ITGA9: variants seen among roughly 807,000 people sequenced by gnomAD.
ITGA9 encodes integrin alpha-9.
In ITGA9, 56 loss-of-function variants were observed where a neutral mutation model predicts 127.8. That is an observed-to-expected ratio of 0.44 (90% CI 0.35 to 0.55). ITGA9 has a LOEUF of 0.55. Among genes scored for constraint, ITGA9 ranks in the 20% least tolerant of loss-of-function variants. The pLI, the probability that ITGA9 is intolerant of heterozygous loss-of-function variation, is 0.00. For missense variants in ITGA9, 1,196 were observed against 1,347.1 expected, an observed-to-expected ratio of 0.89 and a Z score of 1.76; for synonymous variants, 508 against 514.5, an observed-to-expected ratio of 0.99 and a Z score of 0.17.
At chr3:37,453,310 AGAGAGAGACGTGTTTCTATAGTG>A (rs1411016784) in intron 1 of ITGA9, among the ~76,000 whole-genome samples, 2 of 152,210 alleles carry the variant, frequency 1.3e-5, no homozygotes, top group African/African-American at 4.8e-5. Flanking sequence ...AGAAGCCTTA[AGAGAGAGACGTGTTTCTATAGTG>A]GCCAAGGGGT....
At chr3:37,707,637 G>A (rs762834313) in intron 18 of ITGA9, among the ~76,000 whole-genome samples, 4 of 152,128 alleles carry the variant, frequency 2.6e-5, no homozygotes, top group African/African-American at 9.7e-5. Context: ...TTCTCTCCAG[G>A]CCCTGGCTTC....
chr3:37,561,958 T>C (rs986129694), intron 15 of ITGA9, among the ~76,000 whole-genome samples: 1 of 152,126 alleles, frequency 6.6e-6, no homozygotes, highest in African/African-American at 2.4e-5. Context: ...GGAATAAGAA[T>C]TTCCTCTGTG....
intron 16 of ITGA9, among the ~76,000 whole-genome samples, chr3:37,648,402 T>A (rs1280658826): frequency 6.6e-6 from 1 of 152,170 alleles, no homozygotes; most frequent in African/African-American, 2.4e-5. Flanking sequence ...AGCAGGAAGA[T>A]CACTTGAGCC....
chr3:37,614,724 G>A lies in ITGA9; in HGVS notation c.1690-14463G>A, dbSNP rs1174732168. 3.6e-4 allele frequency among the ~76,000 whole-genome samples: 55 copies of A among 151,934 alleles called. 1 individual carries two copies. The highest frequency in any genetic ancestry group is 1.5e-4 in the Non-Finnish European group (10 of 67,832). ...TCCTAGGTATTTTATTCTCTTTGAA[G>A]CAATTGTGAATGGGAGTTCACTCAT... On this transcript the variant is annotated intron_variant, in intron 15 of 27. Coordinates refer to ENST00000264741, the MANE Select transcript of ITGA9 (RefSeq NM_002207.3).
chr3:37,527,764 GT>G (rs1434414588), intron 13 of ITGA9, among the ~76,000 whole-genome samples: 1 of 141,664 alleles, frequency 7.1e-6, no homozygotes, highest in Non-Finnish European at 1.5e-5. Flanking sequence ...AACTTTTACA[GT>G]TGAAAACAGG....
At chr3:37,584,515 G>A (rs1309256925) in intron 15 of ITGA9, among the ~76,000 whole-genome samples, 1 of 152,126 alleles carries the variant, frequency 6.6e-6, no homozygotes, top group Non-Finnish European at 1.5e-5. Flanking sequence ...CCAGCACTTT[G>A]GGAGGCCAAG....
chr3:37,473,055 C>T (rs1237462349), intron 2 of ITGA9, among the ~76,000 whole-genome samples: 2 of 141,602 alleles, frequency 1.4e-5, no homozygotes, highest in Admixed American at 7.6e-5. Flanking sequence ...AGGGCAATCG[C>T]TTGAACCTGG....
chr3:37,654,575 C>T (rs1318338536), intron 17 of ITGA9, among the ~76,000 whole-genome samples: 1 of 152,180 alleles, frequency 6.6e-6, no homozygotes, highest in Non-Finnish European at 1.5e-5. Context: ...GAAAAACAGT[C>T]ACTAGTTTTG....
rs559250063 is a variant in ITGA9, at chr3:37,767,858, ACTC to A, written c.2542-9530_2542-9528del. Among the ~76,000 whole-genome samples, 26 of 151,546 alleles carry A rather than the reference ACTC, an allele frequency of 1.7e-4. No homozygotes were observed. In the South Asian group the frequency reaches 4.6e-3, roughly 27 times the overall value. The stretch of plus-strand genomic sequence containing the variant: ...GATCTCCCAAAGAATGCCATTGAAA[ACTC>A]CTCATTACCTTCAAATGGGGTGATG... On this transcript the variant is annotated intron_variant, in intron 23 of 27. Coordinates refer to ENST00000264741, the MANE Select transcript of ITGA9 (RefSeq NM_002207.3).
At chr3:37,816,919 G>A (rs6780036) in intron 27 of ITGA9, among the ~76,000 whole-genome samples, 9,792 of 152,230 alleles carry the variant, frequency 0.064, 435 homozygotes, top group East Asian at 0.19. Context: ...TTCCCCTCAC[G>A]GTGAATGCTC....
intron 27 of ITGA9, 73 bp downstream of exon 27, chr3:37,804,015 A>G: frequency 2.5e-6 from 4 of 1,607,032 alleles, no homozygotes; most frequent in Middle Eastern, 1.7e-4. Flanking sequence ...TTTCCAGGGA[A>G]GAAGGAGTAT....
At chr3:37,714,406 A>G (rs1701111892) in intron 18 of ITGA9, among the ~76,000 whole-genome samples, 1 of 152,150 alleles carries the variant, frequency 6.6e-6, no homozygotes, top group South Asian at 2.1e-4. Flanking sequence ...TAACATCTGG[A>G]TGTCGCAGTG....
At chr3:37,635,843 A>G (rs1402249126) in intron 16 of ITGA9, among the ~76,000 whole-genome samples, 2 of 133,330 alleles carry the variant, frequency 1.5e-5, no homozygotes, top group Non-Finnish European at 3.0e-5. Flanking sequence ...ATGTGTTCTC[A>G]TTGTTCAATT....
chr3:37,618,099 A>G (rs1422411703), intron 15 of ITGA9, among the ~76,000 whole-genome samples: 8 of 151,820 alleles, frequency 5.3e-5, no homozygotes. Flanking sequence ...GGTTTTATGT[A>G]CCTTTGGTCT....
chr3:37,689,000 G>A (rs1234056508), intron 18 of ITGA9, among the ~76,000 whole-genome samples: 1 of 150,148 alleles, frequency 6.7e-6, no homozygotes, highest in Admixed American at 6.6e-5. Context: ...GTGGATGGGT[G>A]TGTGAGTGGA....
At chr3:37,718,910 T>C (rs1314052379) in intron 18 of ITGA9, among the ~76,000 whole-genome samples, 1 of 152,180 alleles carries the variant, frequency 6.6e-6, no homozygotes, top group Non-Finnish European at 1.5e-5. Flanking sequence ...GGTGAAGGGC[T>C]TGGTGAGAGC....
At chr3:37,784,875 G>A in intron 25 of ITGA9, 102 bp from the exon 26 acceptor site, 4 of 986,648 alleles carry the variant, frequency 4.1e-6, no homozygotes, top group Middle Eastern at 4.1e-4. Context: ...TTTTTGTCTG[G>A]GCTACATGGA....
chr3:37,783,678 C>G (rs1022740319), intron 25 of ITGA9, among the ~76,000 whole-genome samples: 1 of 152,112 alleles, frequency 6.6e-6, no homozygotes, highest in Non-Finnish European at 1.5e-5. Flanking sequence ...TACAGCATAT[C>G]CTGATACATA....
intron 15 of ITGA9, among the ~76,000 whole-genome samples, chr3:37,552,960 A>G (rs1699393072): frequency 6.6e-6 from 1 of 151,140 alleles, no homozygotes; most frequent in Non-Finnish European, 1.5e-5. Flanking sequence ...GGTTGCAGTG[A>G]GCCAAGATTG....
Sources: allele counts gnomAD v4.1 joint callset (sites outside exome capture counted in the v4.1 genomes callset), GRCh38; gene constraint gnomAD v4.1.1; transcripts MANE v1.5; gene names NCBI Gene and HGNC (gene_info 2026-07-23, HGNC 2026-07-21).